The following GSR variants were observed in gnomAD, a reference collection of about 807,000 sequenced individuals.
GSR encodes the protein glutathione reductase, mitochondrial.
In GSR, 48 loss-of-function variants were observed where a neutral mutation model predicts 56.5. The observed-to-expected ratio is 0.85, with a 90% confidence interval of 0.67 to 1.08. GSR has a LOEUF of 1.08. GSR is among the 50% of genes least tolerant of loss of function. GSR has a pLI of 0.00. For synonymous variants in GSR, 264 were observed against 270.8 expected (o/e 0.97, Z 0.25); for missense variants, 694 against 703.3 (o/e 0.99, Z 0.15).
At chr8:30,680,268 C>G (rs1271694763) in intron 12 of GSR, among the ~76,000 whole-genome samples, 1 of 151,862 alleles carries the variant, frequency 6.6e-6, no homozygotes, top group Admixed American at 6.6e-5. Context: ...GGGGTTTCAC[C>G]ATGCTGCCCA....
At chr8:30,708,189 T>C in intron 3 of GSR, 48 bp from the exon 4 acceptor site, 1 of 1,353,646 alleles carries the variant, frequency 7.4e-7, no homozygotes, top group Non-Finnish European at 1.1e-6. Context: ...CTTCCCCTTC[T>C]AGTTAGTAAC....
At chr8:30,682,524 A>G (rs1200683275) in intron 10 of GSR, among the ~76,000 whole-genome samples, 3 of 152,222 alleles carry the variant, frequency 2.0e-5, no homozygotes, top group African/African-American at 7.2e-5. Flanking sequence ...CATCTGCAAA[A>G]TATCTCATTA....
chr8:30,687,802 T>C (rs1204855413), intron 9 of GSR, among the ~76,000 whole-genome samples: 1 of 152,220 alleles, frequency 6.6e-6, no homozygotes, highest in Non-Finnish European at 1.5e-5. Context: ...ATTCATTGTG[T>C]TCATAATGTA....
Position 30,679,418 on chromosome 8 carries a change from A to G in GSR, c.*102T>C. On this transcript the variant is annotated 3_prime_UTR_variant, in exon 13 of 13. Transcript: ENST00000221130. ...CCACTATCAGAAGATCCTGATTAAA[A>G]TAAAGAAATACATAAAACTCAAACA... 1 of 1,159,014 alleles carries G rather than the reference A, an allele frequency of 8.6e-7. No homozygotes were observed. The highest frequency in any genetic ancestry group is 2.0e-5 in the Admixed American group (1 of 51,228). 71.8% of individuals were successfully genotyped at this position (1,159,014 alleles called of 1,614,324 possible). A position where few individuals can be genotyped will look rare whatever the true frequency, so the allele number is the denominator to read the frequency against.
chr8:30,693,463 A>ATAT (rs1351684449), intron 7 of GSR, among the ~76,000 whole-genome samples: 1 of 152,152 alleles, frequency 6.6e-6, no homozygotes, highest in Non-Finnish European at 1.5e-5. Flanking sequence ...GGCCTTGGAG[A>ATAT]TATATCTGTG....
chr8:30,711,428 A>G (rs2128746601), intron 2 of GSR, among the ~76,000 whole-genome samples: 1 of 152,334 alleles, frequency 6.6e-6, no homozygotes, highest in East Asian at 1.9e-4. Flanking sequence ...AAAAATCACT[A>G]ATGTGATACA....
Position 30,703,752 on chromosome 8 carries a change from AAAG to A in GSR, c.493-515_493-513del, listed in dbSNP as rs144706243. On this transcript the variant is annotated intron_variant, in intron 4 of 12. Transcript: ENST00000221130. ...ACAAAGTGAGGGGGAGGAGGAGGAG[AAAG>A]AAGAAGAAGGAAGGAGGGAAGGGGA... Among the ~76,000 whole-genome samples the A allele has an allele frequency of 7.7e-3, 1,143 of 148,698 alleles. 17 individuals carry two copies. The highest frequency in any genetic ancestry group is 0.026 in the African/African-American group (1,064 of 40,210).
At chr8:30,710,916 G>A (rs1043179078) in intron 2 of GSR, among the ~76,000 whole-genome samples, 2 of 151,600 alleles carry the variant, frequency 1.3e-5, no homozygotes, top group Non-Finnish European at 2.9e-5. Context: ...CAATCAACAC[G>A]AAATTTACCA....
chr8:30,715,474 A>G (rs972948444), intron 1 of GSR, among the ~76,000 whole-genome samples: 7 of 152,184 alleles, frequency 4.6e-5, no homozygotes, highest in African/African-American at 1.7e-4. Context: ...GTAAGAGCAG[A>G]GAAAGGAGGT....
At chr8:30,713,260 C>T (rs1804215377) in intron 1 of GSR, among the ~76,000 whole-genome samples, 1 of 152,196 alleles carries the variant, frequency 6.6e-6, no homozygotes, top group African/African-American at 2.4e-5. Flanking sequence ...TGGTCTCGAA[C>T]TACTGACCTC....
chr8:30,713,433 A>G (rs1804221513), intron 1 of GSR, among the ~76,000 whole-genome samples: 1 of 151,938 alleles, frequency 6.6e-6, no homozygotes, highest in Non-Finnish European at 1.5e-5. Flanking sequence ...ATCTCAGCTC[A>G]CTGCAACCTC....
chr8:30,719,318 G>A (rs13279565), intron 1 of GSR, among the ~76,000 whole-genome samples: 115,033 of 151,168 alleles, frequency 0.76, 48,589 homozygotes, highest in Non-Finnish European at 0.94. Context: ...GAGTTTCACC[G>A]TGTTAGCCAG....
intron 2 of GSR, among the ~76,000 whole-genome samples, chr8:30,710,373 A>AT (rs113400571): frequency 1.5e-4 from 22 of 150,534 alleles, no homozygotes; most frequent in African/African-American, 2.9e-4. Flanking sequence ...AACTTAAAAC[A>AT]TTTTTTTTTA....
chr8:30,696,765 G>A (rs571417007), intron 6 of GSR, among the ~76,000 whole-genome samples: 3 of 152,168 alleles, frequency 2.0e-5, no homozygotes, highest in East Asian at 1.9e-4. Context: ...GTGTGAACAC[G>A]GCTCACTGCA....
chr8:30,719,121 T>C (rs1804441242), intron 1 of GSR, among the ~76,000 whole-genome samples: 1 of 147,320 alleles, frequency 6.8e-6, no homozygotes, highest in Non-Finnish European at 1.5e-5. Flanking sequence ...TTTTTTTTTT[T>C]TTTTGAGACG....
At chr8:30,703,036 T>C in intron 5 of GSR, 57 bp downstream of exon 5, 3 of 1,574,292 alleles carry the variant, frequency 1.9e-6, no homozygotes, top group Non-Finnish European at 1.7e-6. Flanking sequence ...GCTTTTCAGG[T>C]TGAAAGCAAC....
At chr8:30,710,031 C>T (rs2128746119) in intron 2 of GSR, 129 bp from the exon 3 acceptor site, 1 of 670,706 alleles carries the variant, frequency 1.5e-6, no homozygotes, top group South Asian at 1.7e-5. Context: ...TAAAAACAAA[C>T]CTAGCTGGGC....
rs1241369655 is a variant in GSR, at chr8:30,678,149, T to C, written c.*1371A>G. 1 of 151,986 alleles carries C rather than the reference T, an allele frequency of 6.6e-6. No individual in the cohort carries two copies. The highest frequency in any genetic ancestry group is 2.4e-5 in the African/African-American group (1 of 41,410). 9.4% of individuals were successfully genotyped at this position (151,986 alleles called of 1,614,324 possible). On this transcript the variant is annotated 3_prime_UTR_variant, in exon 13 of 13. Coordinates refer to ENST00000221130, the MANE Select transcript of GSR (RefSeq NM_000637.5). Reference sequence around the variant, plus strand: ...AAAATGACAAGAACACATACAAATATTGAAATTATTCATTGAACTATAAAC... The same window carrying C: ...AAAATGACAAGAACACATACAAATACTGAAATTATTCATTGAACTATAAAC...
In GSR at chr8:30,712,195, T is replaced by C. The variant is rs982627469; in HGVS notation, c.307-107A>G. 9 of 652,254 alleles carry C rather than the reference T, an allele frequency of 1.4e-5. No individual in the cohort carries two copies. The Admixed American group carries it at 1.8e-4, about 13-fold the overall frequency. The allele number at this position is 652,254 out of a possible 1,614,324, so 40.4% of individuals were successfully genotyped here. The stretch of plus-strand genomic sequence containing the variant: ...CATCAAGCGAGGAGTCTTCCTTGGG[T>C]TCTAAGTCACAGTGTACTAAATTCT... On this transcript the variant is annotated intron_variant, in intron 1 of 12. Transcript: ENST00000221130.
Sources: gnomAD v4.1 joint callset for allele counts (sites outside exome capture counted in the v4.1 genomes callset) on GRCh38, gnomAD v4.1.1 for gene constraint, MANE v1.5 for transcripts, NCBI Gene and HGNC (gene_info 2026-07-23, HGNC 2026-07-21) for gene names.